Variants in TMEM135 observed in about 807,000 individuals in gnomAD.
TMEM135 encodes the protein peroxisomal membrane protein 52.
A neutral mutation model predicts 60.3 loss-of-function variants in TMEM135; 30 were observed. That is an observed-to-expected ratio of 0.50 (90% CI 0.37 to 0.68). The LOEUF is 0.68. TMEM135 is among the 30% of genes least tolerant of loss of function. The pLI, the probability that TMEM135 is intolerant of heterozygous loss-of-function variation, is 0.00. For missense variants in TMEM135, 468 were observed against 548.8 expected (o/e 0.85, Z 1.47); for synonymous variants, 190 against 186.7 (o/e 1.02, Z -0.14).
At chr11:87,272,206 A>C (rs1468157778) in intron 6 of TMEM135, among the ~76,000 whole-genome samples, 2 of 151,340 alleles carry the variant, frequency 1.3e-5, no homozygotes, top group African/African-American at 4.9e-5. Context: ...GGCACCCGCC[A>C]CCACACCCAG....
At chr11:87,108,908 T>C (rs1857669181) in intron 4 of TMEM135, among the ~76,000 whole-genome samples, 1 of 152,186 alleles carries the variant, frequency 6.6e-6, no homozygotes, top group Non-Finnish European at 1.5e-5. Flanking sequence ...GGTATACGTC[T>C]CATGTATAAA....
At position 87,314,303 on chromosome 11, in the gene TMEM135, G is replaced by T. The variant is rs117360944; in HGVS notation, c.1001-168G>T. The stretch of plus-strand genomic sequence containing the variant: ...ATCAATTTTTTAAATTTAAAAATAT[G>T]CAATAATATCTCACCCCATTTTAAT... On this transcript the variant is annotated intron_variant, in intron 11 of 14. Coordinates refer to ENST00000305494, the MANE Select transcript of TMEM135 (RefSeq NM_022918.4). 7.2e-3 allele frequency among the ~76,000 whole-genome samples: 1,094 copies of T among 151,840 alleles called. 5 individuals carry two copies. Among genetic ancestry groups the T allele is most frequent in the Non-Finnish European group, 0.011 (777 of 67,754 alleles).
intron 11 of TMEM135, 34 bp downstream of exon 11, chr11:87,313,522 G>A (rs376273745): frequency 6.6e-7 from 1 of 1,517,058 alleles, no homozygotes; most frequent in African/African-American, 1.4e-5. Context: ...GGTTATTATT[G>A]TATTAATCAG....
intron 6 of TMEM135, among the ~76,000 whole-genome samples, chr11:87,282,556 G>T (rs1412317439): frequency 2.0e-5 from 3 of 152,186 alleles, no homozygotes; most frequent in Non-Finnish European, 4.4e-5. Context: ...GTGAGCCACC[G>T]CATCCGGCCA....
rs545437445 is a variant in TMEM135, at chr11:87,248,021, A to T, written c.509+11337A>T. ...TGGCTGCCAGCTTGATAGCCTTTTT[A>T]AAAAAAAAAAAAAAAAGAAAATAGC... On this transcript the variant is annotated intron_variant, in intron 6 of 14. Transcript: ENST00000305494. Among the ~76,000 whole-genome samples the T allele has an allele frequency of 9.3e-3, 631 of 67,708 alleles. 14 individuals carry two copies. The highest frequency in any genetic ancestry group is 0.013 in the East Asian group (52 of 3,864). The allele number at this position is 67,708 out of a possible 152,430, so 44.4% of individuals were successfully genotyped here. A position where few individuals can be genotyped will look rare whatever the true frequency, so the allele number is the denominator to read the frequency against.
intron 1 of TMEM135, among the ~76,000 whole-genome samples, chr11:87,038,906 G>A (rs1296768605): frequency 6.6e-6 from 1 of 152,134 alleles, no homozygotes; most frequent in East Asian, 1.9e-4. Context: ...GTATGTATAT[G>A]TAACACTGAG....
chr11:87,274,020 A>G (rs1171240969), intron 6 of TMEM135, among the ~76,000 whole-genome samples: 1 of 152,172 alleles, frequency 6.6e-6, no homozygotes, highest in Non-Finnish European at 1.5e-5. Context: ...AAACAAGGAT[A>G]CCAGATATGA....
chr11:87,152,908 A>G (rs1021478948), intron 4 of TMEM135, among the ~76,000 whole-genome samples: 1 of 152,218 alleles, frequency 6.6e-6, no homozygotes, highest in Non-Finnish European at 1.5e-5. Flanking sequence ...TGATATTGAT[A>G]GTTCTTACCT....
chr11:87,104,806 A>T (rs1477344712), intron 4 of TMEM135, among the ~76,000 whole-genome samples: 2 of 152,198 alleles, frequency 1.3e-5, no homozygotes, highest in Non-Finnish European at 1.5e-5. Flanking sequence ...TATCAGTTCC[A>T]ACAGTCTTTT....
At position 87,093,002 on chromosome 11, in the gene TMEM135, A is replaced by G. The variant is rs910551754; in HGVS notation, c.396+1607A>G. On this transcript the variant is annotated intron_variant, in intron 4 of 14. Transcript: ENST00000305494. Reference sequence around the variant, plus strand: ...TGGTTAGTTCTGGAATTAAATTCTTATCCATCCCCTCTTTGAATCTTGCTT... The same window carrying G: ...TGGTTAGTTCTGGAATTAAATTCTTGTCCATCCCCTCTTTGAATCTTGCTT... 2.6e-5 allele frequency among the ~76,000 whole-genome samples: 4 copies of G among 152,230 alleles called. No homozygotes were observed. In the South Asian group the frequency reaches 8.3e-4, roughly 32 times the overall value.
intron 1 of TMEM135, among the ~76,000 whole-genome samples, chr11:87,044,685 C>G (rs1949779293): frequency 6.6e-6 from 1 of 152,120 alleles, no homozygotes; most frequent in South Asian, 2.1e-4. Context: ...GAGTCTTGCT[C>G]TGTCGCCCAG....
chr11:87,109,293 TA>T (rs1857681733), intron 4 of TMEM135, among the ~76,000 whole-genome samples: 1 of 152,256 alleles, frequency 6.6e-6, no homozygotes, highest in Non-Finnish European at 1.5e-5. Context: ...TTTTCCTATA[TA>T]TGCATGATAT....
In TMEM135 at chr11:87,042,470, T is replaced by C. The variant is rs1413252420; in HGVS notation, c.141+4284T>C. On this transcript the variant is annotated intron_variant, in intron 1 of 14. Transcript: ENST00000305494. Reference sequence around the variant, plus strand: ...GGCTGGCTTTGGGGAAAATAGGTTTTGGTTTTTATGACCTGCCTTGGGGAA... The same window carrying C: ...GGCTGGCTTTGGGGAAAATAGGTTTCGGTTTTTATGACCTGCCTTGGGGAA... Among the ~76,000 whole-genome samples the C allele has an allele frequency of 7.9e-5, 12 of 152,286 alleles. No individual in the cohort carries two copies. The East Asian group carries it at 1.4e-3, about 17-fold the overall frequency.
chr11:87,275,454 G>T (rs1323088773), intron 6 of TMEM135, among the ~76,000 whole-genome samples: 5 of 151,638 alleles, frequency 3.3e-5, no homozygotes. Context: ...TAAAGAGGTT[G>T]AATTTTGATA....
At chr11:87,232,942 G>A (rs958864458) in intron 5 of TMEM135, among the ~76,000 whole-genome samples, 3 of 152,196 alleles carry the variant, frequency 2.0e-5, no homozygotes, top group African/African-American at 7.2e-5. Context: ...CCTGAGGTCA[G>A]GAGTTTGAGA....
chr11:87,132,969 CG>C (rs1937979447), intron 4 of TMEM135, among the ~76,000 whole-genome samples: 1 of 152,086 alleles, frequency 6.6e-6, no homozygotes, highest in Non-Finnish European at 1.5e-5. Context: ...TATTAAGTAA[CG>C]TAAGAGTTAC....
chr11:87,062,625 C>T (rs989876574), intron 1 of TMEM135, among the ~76,000 whole-genome samples: 23 of 150,436 alleles, frequency 1.5e-4, no homozygotes, highest in Middle Eastern at 3.5e-3. Context: ...CCACTGTGCC[C>T]GGCTAATTTT....
chr11:87,316,781 T>G (rs1477288317), intron 12 of TMEM135, among the ~76,000 whole-genome samples: 3 of 151,970 alleles, frequency 2.0e-5, no homozygotes, highest in Non-Finnish European at 4.4e-5. Flanking sequence ...TGGCCAGAGT[T>G]TTTTAAGGCA....
Position 87,322,450 on chromosome 11 carries a change from C to G in TMEM135, c.*1117C>G, listed in dbSNP as rs78033894. ...GAATAAAGAGGTGACACCATAAAGT[C>G]CTGCTGATAATGAGAGTAGTTCAGG... On this transcript the variant is annotated 3_prime_UTR_variant, in exon 15 of 15. Coordinates refer to ENST00000305494, the MANE Select transcript of TMEM135 (RefSeq NM_022918.4). 2.3e-3 allele frequency: 1,030 copies of G among 453,952 alleles called. 29 individuals are homozygous for G. In the East Asian group the frequency reaches 0.057, roughly 25 times the overall value. The allele number at this position is 453,952 out of a possible 1,614,324, so 28.1% of individuals were successfully genotyped here.
Sources: gnomAD v4.1 joint callset for allele counts (sites outside exome capture counted in the v4.1 genomes callset) on GRCh38, gnomAD v4.1.1 for gene constraint, MANE v1.5 for transcripts, NCBI Gene and HGNC (gene_info 2026-07-23, HGNC 2026-07-21) for gene names.